RIT2: variants seen among roughly 807,000 people sequenced by gnomAD.
RIT2 encodes the protein Ras like without CAAX 2.
In RIT2, 24 loss-of-function variants were observed where a neutral mutation model predicts 23.7. The observed-to-expected ratio is 1.01, with a 90% CI of 0.73 to 1.43. The LOEUF is 1.43. RIT2 is among the 40% of genes most tolerant of loss of function. The pLI, the probability that RIT2 is intolerant of heterozygous loss-of-function variation, is 0.00. For synonymous variants in RIT2, 107 were observed against 91.1 expected, an observed-to-expected ratio of 1.17 and a Z score of -0.99; for missense variants, 236 against 266.9, an observed-to-expected ratio of 0.88 and a Z score of 0.81.
intron 1 of RIT2, among the ~76,000 whole-genome samples, chr18:43,055,228 C>T (rs1041096034): frequency 1.3e-5 from 2 of 152,144 alleles, no homozygotes; most frequent in Non-Finnish European, 2.9e-5. Context: ...AAATTGAGAA[C>T]TAGCCATATT....
At chr18:42,878,514 G>A (rs1790567) in intron 4 of RIT2, among the ~76,000 whole-genome samples, 2,658 of 151,468 alleles carry the variant, frequency 0.018, 102 homozygotes, top group African/African-American at 0.061. Flanking sequence ...AAGAAAATTT[G>A]AATATAAGTG....
intron 4 of RIT2, among the ~76,000 whole-genome samples, chr18:42,787,446 A>T (rs982279168): frequency 6.7e-6 from 1 of 150,244 alleles, no homozygotes; most frequent in African/African-American, 2.5e-5. Context: ...AAAAAAAAAG[A>T]ATATAATAAA....
chr18:42,938,904 A>G (rs1909526656), intron 3 of RIT2, among the ~76,000 whole-genome samples: 1 of 151,844 alleles, frequency 6.6e-6, no homozygotes, highest in African/African-American at 2.4e-5. Context: ...ATGCTCAGCT[A>G]ATTTTTCATT....
At chr18:42,858,128 C>T (rs1361533359) in intron 4 of RIT2, among the ~76,000 whole-genome samples, 1 of 152,274 alleles carries the variant, frequency 6.6e-6, no homozygotes, top group East Asian at 1.9e-4. Flanking sequence ...TTGCAGTGAG[C>T]CAAGATTGAG....
chr18:42,766,926 T>C (rs114948323), intron 4 of RIT2, among the ~76,000 whole-genome samples: 2,400 of 152,288 alleles, frequency 0.016, 73 homozygotes, highest in African/African-American at 0.055. Flanking sequence ...GTTGTACCTG[T>C]AGGTGCACAG....
intron 1 of RIT2, among the ~76,000 whole-genome samples, chr18:43,088,779 T>A (rs1161966066): frequency 2.0e-5 from 3 of 152,102 alleles, no homozygotes; most frequent in Non-Finnish European, 4.4e-5. Context: ...AATCCATAGC[T>A]ACCAACCAAG....
chr18:43,085,172 G>T (rs1375047238), intron 1 of RIT2, among the ~76,000 whole-genome samples: 1 of 151,744 alleles, frequency 6.6e-6, no homozygotes, highest in Non-Finnish European at 1.5e-5. Flanking sequence ...AACAAAAAAA[G>T]AAACAAAAAG....
At chr18:42,881,099 C>T (rs1277378383) in intron 4 of RIT2, among the ~76,000 whole-genome samples, 2 of 152,124 alleles carry the variant, frequency 1.3e-5, no homozygotes, top group Non-Finnish European at 2.9e-5. Context: ...AGCCACTGCA[C>T]CCACCCATCT....
At chr18:42,936,358 A>G (rs913054999) in intron 3 of RIT2, among the ~76,000 whole-genome samples, 1 of 152,218 alleles carries the variant, frequency 6.6e-6, no homozygotes, top group African/African-American at 2.4e-5. Flanking sequence ...AGCTTTTGCC[A>G]TAACAAAAGT....
At chr18:42,856,915 C>T (rs539293387) in intron 4 of RIT2, among the ~76,000 whole-genome samples, 5 of 148,298 alleles carry the variant, frequency 3.4e-5, no homozygotes, top group South Asian at 2.1e-4. Flanking sequence ...CTGAAAGCTC[C>T]GCCTCCCAGT....
At chr18:42,983,059 G>GA (rs1408461360) in intron 2 of RIT2, among the ~76,000 whole-genome samples, 2 of 151,830 alleles carry the variant, frequency 1.3e-5, no homozygotes, top group Admixed American at 1.3e-4. Flanking sequence ...TAGGAATTTT[G>GA]AAAAGGAAAA....
intron 4 of RIT2, among the ~76,000 whole-genome samples, chr18:42,759,571 A>G (rs1386162760): frequency 1.3e-5 from 2 of 151,914 alleles, no homozygotes; most frequent in East Asian, 3.9e-4. Context: ...AAGGTTTAGG[A>G]AAGAGACTTC....
intron 4 of RIT2, among the ~76,000 whole-genome samples, chr18:42,841,425 G>C (rs1323821182): frequency 6.6e-6 from 1 of 152,068 alleles, no homozygotes; most frequent in Non-Finnish European, 1.5e-5. Flanking sequence ...CTTCTATAAA[G>C]AGCTATGATA....
At position 42,968,927 on chromosome 18, in the gene RIT2, C is replaced by T. The variant is rs1910300025; in HGVS notation, c.234+5147G>A. ...AGTAAAAGGAGGGTAGCAATCTCTC[C>T]ACTTCCTCAGTGTCACATCCTAAGG... On this transcript the variant is annotated intron_variant, in intron 3 of 4. Coordinates refer to ENST00000326695, the MANE Select transcript of RIT2 (RefSeq NM_002930.4). 4.6e-5 allele frequency among the ~76,000 whole-genome samples: 7 copies of T among 152,230 alleles called. No homozygotes were observed. In the South Asian group the frequency reaches 1.5e-3, roughly 32 times the overall value.
rs184487617 is a variant in RIT2, at chr18:42,760,005, G to A, written c.427-16285C>T. Reference sequence around the variant, plus strand: ...TTGGTCAGGCTGGTCTTGAACTCCCGACCTCAAGTGATCCACCGGCCTTGG... The same window carrying A: ...TTGGTCAGGCTGGTCTTGAACTCCCAACCTCAAGTGATCCACCGGCCTTGG... On this transcript the variant is annotated intron_variant, in intron 4 of 4. Transcript: ENST00000326695. Among the ~76,000 whole-genome samples the A allele has an allele frequency of 4.6e-3, 700 of 152,122 alleles. 2 individuals are homozygous for A. The highest frequency in any genetic ancestry group is 7.6e-3 in the Non-Finnish European group (514 of 68,014).
chr18:42,773,907 A>G (rs1004787215), intron 4 of RIT2, among the ~76,000 whole-genome samples: 1 of 152,182 alleles, frequency 6.6e-6, no homozygotes, highest in Non-Finnish European at 1.5e-5. Context: ...ATTATTTAAA[A>G]TGACTAAAAG....
intron 4 of RIT2, among the ~76,000 whole-genome samples, chr18:42,910,110 T>A (rs1908728388): frequency 6.6e-6 from 1 of 152,032 alleles, no homozygotes. Context: ...AAAACATAAA[T>A]ACATCAAAAT....
intron 3 of RIT2, among the ~76,000 whole-genome samples, chr18:42,966,113 T>C (rs1910218020): frequency 6.6e-6 from 1 of 152,174 alleles, no homozygotes; most frequent in Admixed American, 6.5e-5. Flanking sequence ...TAATTTTTTA[T>C]ATTCATAATT....
intron 2 of RIT2, among the ~76,000 whole-genome samples, chr18:43,030,545 T>A (rs1249024024): frequency 6.6e-6 from 1 of 152,110 alleles, no homozygotes; most frequent in Non-Finnish European, 1.5e-5. Context: ...CTAGGAACCA[T>A]CAAACAGAGA....
Sources: gnomAD v4.1 joint callset for allele counts (sites outside exome capture counted in the v4.1 genomes callset) on GRCh38, gnomAD v4.1.1 for gene constraint, MANE v1.5 for transcripts, NCBI Gene and HGNC (gene_info 2026-07-23, HGNC 2026-07-21) for gene names.